Variants in MSI2 observed in about 807,000 individuals in gnomAD.
MSI2 encodes the protein RNA-binding protein Musashi homolog 2.
Under a neutral mutation model 45.6 loss-of-function variants are expected in MSI2, and 17 were observed. The ratio of observed to expected loss-of-function variants is 0.37; its 90% CI spans 0.26 to 0.56. The LOEUF (loss-of-function observed/expected upper bound fraction) is 0.56, where lower values mean the gene tolerates loss of function less well. MSI2 is among the 20% of genes least tolerant of loss of function. The pLI is 0.77. For missense variants in MSI2, 293 were observed against 444.2 expected (o/e 0.66, Z 3.06); for synonymous variants, 156 against 158.2 (o/e 0.99, Z 0.11).
intron 6 of MSI2, among the ~76,000 whole-genome samples, chr17:57,462,042 G>A (rs2085240782): frequency 6.6e-6 from 1 of 152,188 alleles, no homozygotes; most frequent in African/African-American, 2.4e-5. Context: ...GTGCGGGCAG[G>A]GTTGGTTCCT....
intron 6 of MSI2, among the ~76,000 whole-genome samples, chr17:57,501,794 C>T (rs780894424): frequency 8.5e-5 from 13 of 152,242 alleles, no homozygotes; most frequent in Non-Finnish European, 1.6e-4. Context: ...CTCTTATAGA[C>T]ACAGTCATTA....
At chr17:57,444,016 A>T (rs117303388) in intron 6 of MSI2, among the ~76,000 whole-genome samples, 4,237 of 152,210 alleles carry the variant, frequency 0.028, 102 homozygotes, top group Non-Finnish European at 0.044. Flanking sequence ...TTTGGGGTGG[A>T]TGGGGGCAGA....
intron 6 of MSI2, among the ~76,000 whole-genome samples, chr17:57,459,332 T>G (rs577025351): frequency 2.2e-4 from 33 of 152,262 alleles, no homozygotes; most frequent in African/African-American, 7.5e-4. Flanking sequence ...GAACATGGGA[T>G]GCCGCACGGG....
chr17:57,439,364 T>G (rs1345820215), intron 6 of MSI2, among the ~76,000 whole-genome samples: 1 of 152,100 alleles, frequency 6.6e-6, no homozygotes, highest in African/African-American at 2.4e-5. Context: ...CTCACCTGAT[T>G]TAGAGGACGA....
chr17:57,370,500 T>C (rs1349177129), intron 5 of MSI2, among the ~76,000 whole-genome samples: 1 of 152,172 alleles, frequency 6.6e-6, no homozygotes, highest in Non-Finnish European at 1.5e-5. Context: ...CTCTCTCATG[T>C]TCTTTTCTGC....
chr17:57,668,398 T>C (rs1912532147), intron 11 of MSI2, among the ~76,000 whole-genome samples: 1 of 152,150 alleles, frequency 6.6e-6, no homozygotes, highest in African/African-American at 2.4e-5. Context: ...TTCTACAAAA[T>C]AATTCACAAG....
At chr17:57,271,193 G>A (rs34798809) in intron 5 of MSI2, among the ~76,000 whole-genome samples, 3,539 of 152,214 alleles carry the variant, frequency 0.023, 67 homozygotes, top group Non-Finnish European at 0.035. Flanking sequence ...TTTGTCACTG[G>A]CTGTGACAGG....
At chr17:57,604,572 T>C (rs1226383304) in intron 8 of MSI2, among the ~76,000 whole-genome samples, 2 of 152,098 alleles carry the variant, frequency 1.3e-5, no homozygotes, top group Non-Finnish European at 2.9e-5. Context: ...CTGGAAAAGC[T>C]GAGTCCCACT....
At chr17:57,382,592 G>A (rs953345375) in intron 5 of MSI2, among the ~76,000 whole-genome samples, 2 of 152,186 alleles carry the variant, frequency 1.3e-5, no homozygotes, top group African/African-American at 4.8e-5. Flanking sequence ...AAGCTTCAAT[G>A]TTAGTTGGGA....
chr17:57,300,174 G>T (rs952590089), intron 5 of MSI2, among the ~76,000 whole-genome samples: 1 of 152,106 alleles, frequency 6.6e-6, no homozygotes, highest in African/African-American at 2.4e-5. Flanking sequence ...GTGACGTGCT[G>T]TCATTCTCCT....
chr17:57,688,137 G>A (rs1381402195), downstream of MSI2, among the ~76,000 whole-genome samples: 4 of 152,018 alleles, frequency 2.6e-5, no homozygotes, highest in African/African-American at 9.7e-5. Flanking sequence ...TTAAAATAAG[G>A]AACTTGTAGG....
At chr17:57,359,301 A>G (rs1414925563) in intron 5 of MSI2, among the ~76,000 whole-genome samples, 1 of 152,154 alleles carries the variant, frequency 6.6e-6, no homozygotes. Context: ...TTAAAATTTA[A>G]TTTTATTGAA....
chr17:57,670,452 C>T (rs1156536505), intron 11 of MSI2, among the ~76,000 whole-genome samples: 1 of 152,202 alleles, frequency 6.6e-6, no homozygotes, highest in Non-Finnish European at 1.5e-5. Context: ...AGAGTCTAAG[C>T]CTGCAGCATC....
At chr17:57,409,957 G>A (rs1033432829) in intron 6 of MSI2, among the ~76,000 whole-genome samples, 28 of 133,928 alleles carry the variant, frequency 2.1e-4, no homozygotes, top group Non-Finnish European at 3.1e-4. Flanking sequence ...GCAGTGAGCC[G>A]AGATCGTGCC....
intron 6 of MSI2, among the ~76,000 whole-genome samples, chr17:57,433,703 C>G (rs937109957): frequency 1.3e-5 from 2 of 152,184 alleles, no homozygotes; most frequent in Admixed American, 6.5e-5. Context: ...CCAGACTTCC[C>G]TAATGCGGAC....
intron 5 of MSI2, among the ~76,000 whole-genome samples, chr17:57,397,804 T>A (rs982239493): frequency 6.6e-6 from 1 of 152,196 alleles, no homozygotes. Flanking sequence ...GAGACACTGG[T>A]GAGCAGCTAA....
chr17:57,316,565 A>T (rs577713004), intron 5 of MSI2, among the ~76,000 whole-genome samples: 1 of 152,226 alleles, frequency 6.6e-6, no homozygotes, highest in South Asian at 2.1e-4. Flanking sequence ...GCCTCAAGTG[A>T]TCCTCCTGCC....
At chr17:57,668,341 C>A (rs1471650122) in intron 11 of MSI2, among the ~76,000 whole-genome samples, 1 of 152,110 alleles carries the variant, frequency 6.6e-6, no homozygotes. Flanking sequence ...GTGATATTAT[C>A]TCCTGAGGGT....
chr17:57,693,895 A>G, the MSI2 span, among the ~76,000 whole-genome samples: 5 of 152,222 alleles, frequency 3.3e-5, no homozygotes, highest in East Asian at 9.6e-4. Context: ...CCTGTTGCCT[A>G]TTTTTGTATG....
Sources: gnomAD v4.1 joint callset for allele counts (sites outside exome capture counted in the v4.1 genomes callset) on GRCh38, gnomAD v4.1.1 for gene constraint, MANE v1.5 for transcripts, NCBI Gene and HGNC (gene_info 2026-07-23, HGNC 2026-07-21) for gene names.